The following CTNNA2 variants were observed in gnomAD, a reference collection of about 807,000 sequenced individuals.
CTNNA2 encodes the protein catenin alpha-2.
Under a neutral mutation model 101.0 loss-of-function variants are expected in CTNNA2, and 42 were observed. That is an observed-to-expected ratio of 0.42 (90% CI 0.32 to 0.54). The LOEUF (loss-of-function observed/expected upper bound fraction) is 0.54, where lower values mean the gene tolerates loss of function less well. Ranked by LOEUF, CTNNA2 falls within the 20% of genes least tolerant of loss-of-function variation. CTNNA2 has a pLI of 0.14. For synonymous variants in CTNNA2, 450 were observed against 456.4 expected (o/e 0.99, Z 0.18); for missense variants, 871 against 1,223.1 (o/e 0.71, Z 4.29).
rs149142379 is a variant in CTNNA2, at chr2:80,202,264, A to G, written c.1057-190947A>G. On this transcript the variant is annotated intron_variant, in intron 7 of 18. Transcript: ENST00000402739. ...CCAGACATAGCTCAGCACCTGTATG[A>G]AATAGGCTCCAGGACACTGAAGCAT... Among the ~76,000 whole-genome samples the G allele has an allele frequency of 1.8e-3, 269 of 152,336 alleles. 4 individuals are homozygous for G. Among genetic ancestry groups the G allele is most frequent in the East Asian group, 0.015 (76 of 5,178 alleles).
intron 2 of CTNNA2, among the ~76,000 whole-genome samples, chr2:79,230,617 C>T (rs940496898): frequency 5.3e-5 from 8 of 152,174 alleles, no homozygotes; most frequent in African/African-American, 2.4e-5. Flanking sequence ...TACTGGGGCA[C>T]CATCTAGTGG....
chr2:79,607,804 T>C (rs1207430174), intron 1 of CTNNA2, among the ~76,000 whole-genome samples: 1 of 151,862 alleles, frequency 6.6e-6, no homozygotes, highest in Non-Finnish European at 1.5e-5. Context: ...CCAACACATA[T>C]AAGAAAAAAG....
intron 7 of CTNNA2, among the ~76,000 whole-genome samples, chr2:80,100,410 G>A (rs935180744): frequency 1.3e-5 from 2 of 152,150 alleles, no homozygotes; most frequent in African/African-American, 4.8e-5. Flanking sequence ...AGTTTTAGTA[G>A]CCTTGATAAT....
At chr2:79,438,582 G>A (rs1406518684) in intron 4 of CTNNA2, among the ~76,000 whole-genome samples, 1 of 152,156 alleles carries the variant, frequency 6.6e-6, no homozygotes, top group African/African-American at 2.4e-5. Context: ...CTAGATGCCA[G>A]TAGGACTCCC....
intron 16 of CTNNA2, 71 bp from the exon 17 acceptor site, chr2:80,608,113 G>A (rs1698176116): frequency 2.0e-6 from 3 of 1,471,806 alleles, no homozygotes; most frequent in Non-Finnish European, 1.8e-6. Flanking sequence ...TCTTCCTGCA[G>A]CTTTTCTATA....
chr2:79,659,563 A>T (rs1277928428), intron 2 of CTNNA2, among the ~76,000 whole-genome samples: 1 of 152,208 alleles, frequency 6.6e-6, no homozygotes. Context: ...GATCTAATTC[A>T]TGTATAGTGT....
intron 7 of CTNNA2, among the ~76,000 whole-genome samples, chr2:80,104,959 G>T (rs1213778661): frequency 6.6e-6 from 1 of 152,164 alleles, no homozygotes; most frequent in East Asian, 1.9e-4. Context: ...TTCAATGATT[G>T]TAATGAATCA....
In CTNNA2 at chr2:79,997,453, C is replaced by G. The variant is rs573594683; in HGVS notation, c.1056+87656C>G. 3.3e-5 allele frequency among the ~76,000 whole-genome samples: 5 copies of G among 152,134 alleles called. No individual in the cohort carries two copies. The East Asian group carries it at 9.7e-4, about 29-fold the overall frequency. ...AAAGAGAAAGAAAAGTGAAGCCAGA[C>G]CAAACCAAACAAACCCTGCAGGATT... On this transcript the variant is annotated intron_variant, in intron 7 of 18. Coordinates refer to ENST00000402739, the MANE Select transcript of CTNNA2 (RefSeq NM_001282597.3).
chr2:80,072,203 C>A (rs1378008157), intron 7 of CTNNA2, among the ~76,000 whole-genome samples: 1 of 152,170 alleles, frequency 6.6e-6, no homozygotes, highest in Non-Finnish European at 1.5e-5. Flanking sequence ...TTCTCGCCTC[C>A]AGTTTTCCAA....
intron 15 of CTNNA2, among the ~76,000 whole-genome samples, chr2:80,598,547 TA>T (rs1279662902): frequency 2.6e-5 from 4 of 152,104 alleles, no homozygotes; most frequent in Non-Finnish European, 5.9e-5. Flanking sequence ...TCCAGAGACG[TA>T]AAAACTTGTA....
chr2:79,780,978 C>T (rs1192876560), intron 3 of CTNNA2, among the ~76,000 whole-genome samples: 1 of 152,074 alleles, frequency 6.6e-6, no homozygotes, highest in Non-Finnish European at 1.5e-5. Flanking sequence ...AATCCAGACC[C>T]CAAGAGAGGG....
At chr2:80,072,198 G>A (rs986066640) in intron 7 of CTNNA2, among the ~76,000 whole-genome samples, 8 of 151,988 alleles carry the variant, frequency 5.3e-5, no homozygotes, top group Non-Finnish European at 2.9e-5. Flanking sequence ...TACTTTTCTC[G>A]CCTCCAGTTT....
At chr2:80,635,908 T>G (rs1228569337) in intron 18 of CTNNA2, among the ~76,000 whole-genome samples, 1 of 151,928 alleles carries the variant, frequency 6.6e-6, no homozygotes, top group African/African-American at 2.4e-5. Flanking sequence ...CATCCTTGTT[T>G]TATTGGTTCT....
At chr2:79,535,824 T>G (rs1340815345) in intron 1 of CTNNA2, among the ~76,000 whole-genome samples, 1 of 152,144 alleles carries the variant, frequency 6.6e-6, no homozygotes, top group Non-Finnish European at 1.5e-5. Flanking sequence ...TTTTGTATCT[T>G]CAAGGCTCTT....
At chr2:79,300,592 C>CT (rs138616272) in intron 2 of CTNNA2, among the ~76,000 whole-genome samples, 1,675 of 152,250 alleles carry the variant, frequency 0.011, 11 homozygotes, top group Non-Finnish European at 0.018. Flanking sequence ...AATTGATGCA[C>CT]TATCACAAAT....
intron 7 of CTNNA2, among the ~76,000 whole-genome samples, chr2:80,320,233 G>C (rs922061152): frequency 2.6e-5 from 4 of 152,202 alleles, no homozygotes; most frequent in African/African-American, 9.7e-5. Flanking sequence ...ACATTCTGCA[G>C]CTATGAGATA....
At chr2:79,244,506 A>G (rs1674673720) in intron 2 of CTNNA2, among the ~76,000 whole-genome samples, 1 of 152,162 alleles carries the variant, frequency 6.6e-6, no homozygotes, top group African/African-American at 2.4e-5. Context: ...GTGTAAATTC[A>G]TGCTGAGGAT....
intron 2 of CTNNA2, among the ~76,000 whole-genome samples, chr2:79,699,839 G>GTGTA (rs1553453393): frequency 1.3e-4 from 18 of 141,314 alleles, no homozygotes; most frequent in African/African-American, 4.5e-4. Context: ...ACACGTGTGT[G>GTGTA]TATATATATA....
At chr2:79,390,962 G>C (rs1678165694) in intron 4 of CTNNA2, among the ~76,000 whole-genome samples, 2 of 152,130 alleles carry the variant, frequency 1.3e-5, no homozygotes, top group African/African-American at 4.8e-5. Context: ...TTCTTAAGGA[G>C]GGGTCCAGAG....
Sources: allele counts gnomAD v4.1 joint callset (sites outside exome capture counted in the v4.1 genomes callset), GRCh38; gene constraint gnomAD v4.1.1; transcripts MANE v1.5; gene names NCBI Gene and HGNC (gene_info 2026-07-23, HGNC 2026-07-21).